The following DNAH9 variants were observed in gnomAD, a reference collection of about 807,000 sequenced individuals.
DNAH9 encodes DNAH9 variant protein.
A neutral mutation model predicts 471.6 loss-of-function variants in DNAH9; 345 were observed. That is an observed-to-expected ratio of 0.73 (90% confidence interval 0.67 to 0.80). The LOEUF is 0.80. DNAH9 is among the 30% of genes least tolerant of loss of function. DNAH9 has a pLI of 0.00. For synonymous variants in DNAH9, 2,093 were observed against 2,123.6 expected (o/e 0.99, Z 0.40); for missense variants, 5,407 against 5,609.2 (o/e 0.96, Z 1.15).
chr17:11,768,715 A>T, intron 37 of DNAH9, 89 bp downstream of exon 37: 1 of 1,484,944 alleles, frequency 6.7e-7, no homozygotes, highest in Non-Finnish European at 9.2e-7. Context: ...TGGCTATCTG[A>T]GCATTTGTCC....
intron 41 of DNAH9, among the ~76,000 whole-genome samples, chr17:11,791,690 G>A (rs2150906578): frequency 6.6e-6 from 1 of 152,084 alleles, no homozygotes; most frequent in African/African-American, 2.4e-5. Flanking sequence ...CAGTCTGGGT[G>A]ACAAAAAGTG....
intron 5 of DNAH9, 26 bp from the exon 6 acceptor site, chr17:11,619,522 G>A (rs2072810927): frequency 1.3e-5 from 18 of 1,371,036 alleles, no homozygotes; most frequent in Admixed American, 1.7e-5. Context: ...CACCTGCTCA[G>A]TGATACTAAT....
intron 51 of DNAH9, among the ~76,000 whole-genome samples, chr17:11,870,059 A>G (rs1972206970): frequency 6.6e-6 from 1 of 152,152 alleles, no homozygotes; most frequent in Admixed American, 6.5e-5. Flanking sequence ...CATTCCCTCT[A>G]GCAGGGTAGT....
chr17:11,657,240 G>T (rs139928673), intron 14 of DNAH9, among the ~76,000 whole-genome samples: 89 of 151,998 alleles, frequency 5.9e-4, no homozygotes, highest in Middle Eastern at 6.8e-3. Flanking sequence ...TTTATGTTGT[G>T]GTCTTTTAAA....
At chr17:11,702,276 A>G (rs1171705650) in intron 24 of DNAH9, among the ~76,000 whole-genome samples, 1 of 152,200 alleles carries the variant, frequency 6.6e-6, no homozygotes, top group Non-Finnish European at 1.5e-5. Context: ...TGATTCTGAG[A>G]TAGAGTGGAA....
intron 27 of DNAH9, chr17:11,723,362 C>T (rs1356780073): frequency 1.3e-5 from 2 of 152,278 alleles, no homozygotes; most frequent in Non-Finnish European, 2.9e-5. Context: ...TGTTCAGCAC[C>T]CTTCTCACTT....
intron 65 of DNAH9, among the ~76,000 whole-genome samples, chr17:11,936,828 C>T (rs1416941334): frequency 1.3e-5 from 2 of 152,108 alleles, no homozygotes; most frequent in East Asian, 1.9e-4. Context: ...CTCTCCAGTT[C>T]GCAGCCAATC....
chr17:11,786,363 G>A (rs565877807), intron 41 of DNAH9, among the ~76,000 whole-genome samples: 179 of 152,170 alleles, frequency 1.2e-3, no homozygotes, highest in African/African-American at 3.4e-3. Context: ...AAAAATTCTC[G>A]TGGAATAGCA....
At chr17:11,945,279 G>A (rs1450465683) in intron 67 of DNAH9, among the ~76,000 whole-genome samples, 3 of 152,168 alleles carry the variant, frequency 2.0e-5, no homozygotes, top group East Asian at 1.9e-4. Flanking sequence ...GCTCATGCCT[G>A]TAATCCCAGC....
rs866083694 is a variant in DNAH9, at chr17:11,914,267, A to T, written c.11749+8458A>T. On this transcript the variant is annotated intron_variant, in intron 61 of 68. Coordinates refer to ENST00000262442, the MANE Select transcript of DNAH9 (RefSeq NM_001372.4). Reference sequence around the variant, plus strand: ...TTTTATTTATCTCAGGAGAAGAAGTAAATGCTTCACTTATCATTGTCACTA... The same window carrying T: ...TTTTATTTATCTCAGGAGAAGAAGTTAATGCTTCACTTATCATTGTCACTA... 3.9e-5 allele frequency among the ~76,000 whole-genome samples: 6 copies of T among 152,310 alleles called. No homozygotes were observed. The South Asian group carries it at 1.2e-3, about 32-fold the overall frequency.
At chr17:11,821,830 C>A in intron 45 of DNAH9, 90 bp from the exon 46 acceptor site, 2 of 1,452,892 alleles carry the variant, frequency 1.4e-6, no homozygotes, top group Non-Finnish European at 9.3e-7. Flanking sequence ...AACCACTGAC[C>A]TGTGTCCTAA....
At chr17:11,673,608 T>G (rs1055349630) in intron 17 of DNAH9, among the ~76,000 whole-genome samples, 3 of 151,878 alleles carry the variant, frequency 2.0e-5, no homozygotes, top group South Asian at 2.1e-4. Flanking sequence ...TTTGTTTTTT[T>G]TTTTTTTTTG....
At chr17:11,908,377 ATAG>A (rs764497141) in intron 61 of DNAH9, among the ~76,000 whole-genome samples, 7 of 152,238 alleles carry the variant, frequency 4.6e-5, no homozygotes, top group Non-Finnish European at 8.8e-5. Context: ...CACATAATAC[ATAG>A]TAGTCAGATC....
chr17:11,698,350 A>C (rs988061603), intron 22 of DNAH9, among the ~76,000 whole-genome samples: 12 of 127,760 alleles, frequency 9.4e-5, no homozygotes, highest in African/African-American at 3.2e-4. Context: ...ATACATACTA[A>C]TTATATATTA....
At position 11,769,263 on chromosome 17, in the gene DNAH9, G is replaced by C; in HGVS notation, c.7486G>C (p.Asp2496His). 1 of 1,614,108 alleles carries C rather than the reference G, an allele frequency of 6.2e-7. No individual in the cohort carries two copies. The highest frequency in any genetic ancestry group is 1.7e-4 in the Middle Eastern group (1 of 6,060). ...GGTGGGAGCTAAGCTGGCCAGCCTT[G>C]ACCCCGAGGCATACCTGGTGAAAAA... ...VLVGAKLASLDPEAYLVKNVP... is the reference protein window; with the variant it reads ...VLVGAKLASLHPEAYLVKNVP... Residue 2496 changes from aspartate to histidine, a missense_variant, in exon 38 of 69, where the codon GAC becomes CAC. Transcript: ENST00000262442.
rs116137677 is a variant in DNAH9, at chr17:11,953,273, G to C, written c.12844-8594G>C. ...TTAGCCTGACTTACCGTTGGAGCAT[G>C]CTGTACCCAGACTCAGTGGTTCTAC... On this transcript the variant is annotated intron_variant, in intron 67 of 68. Transcript: ENST00000262442. Among the ~76,000 whole-genome samples the C allele has an allele frequency of 7.3e-3, 1,114 of 152,228 alleles. 15 individuals are homozygous for C. Among genetic ancestry groups the C allele is most frequent in the African/African-American group, 0.026 (1,072 of 41,544 alleles).
intron 28 of DNAH9, among the ~76,000 whole-genome samples, chr17:11,732,239 A>C (rs1461071161): frequency 1.3e-5 from 2 of 152,206 alleles, no homozygotes; most frequent in Admixed American, 1.3e-4. Flanking sequence ...CAAATGAAAT[A>C]AGTTTAACTG....
At chr17:11,633,961 T>C (rs2150676317) in intron 8 of DNAH9, among the ~76,000 whole-genome samples, 1 of 152,344 alleles carries the variant, frequency 6.6e-6, no homozygotes, top group African/African-American at 2.4e-5. Context: ...ATTGCTTTTC[T>C]TCTGATGGTC....
Position 11,693,237 on chromosome 17 carries a change from CTTTTTTTTTT to C in DNAH9, c.4615-615_4615-606del, listed in dbSNP as rs776422086. Among the ~76,000 whole-genome samples the C allele has an allele frequency of 7.7e-5, 6 of 77,438 alleles. No homozygotes were observed. The South Asian group carries it at 1.3e-3, about 16-fold the overall frequency. 50.8% of individuals were successfully genotyped at this position (77,438 alleles called of 152,430 possible). A position where few individuals can be genotyped will look rare whatever the true frequency, so the allele number is the denominator to read the frequency against. ...TTATTATTGCTACTTTTAAAATGCC[CTTTTTTTTTT>C]TTTTTTTTTTTTTTTGAGACAAAGT... is the stretch of plus-strand genomic sequence containing the variant. On this transcript the variant is annotated intron_variant, in intron 20 of 68. Transcript: ENST00000262442.
Sources: allele counts gnomAD v4.1 joint callset (sites outside exome capture counted in the v4.1 genomes callset), GRCh38; gene constraint gnomAD v4.1.1; transcripts MANE v1.5; gene names NCBI Gene and HGNC (gene_info 2026-07-23, HGNC 2026-07-21).